The following MAF variants were observed in gnomAD, a reference collection of about 807,000 sequenced individuals.
The protein encoded by MAF is MAF bZIP transcription factor.
A neutral mutation model predicts 22.0 loss-of-function variants in MAF; 10 were observed. That is an observed-to-expected ratio of 0.45 (90% CI 0.28 to 0.77). The LOEUF is 0.77. Among genes scored for constraint, MAF ranks in the 30% least tolerant of loss-of-function variants. The pLI is 0.12. For missense variants in MAF, 544 were observed against 548.4 expected, an observed-to-expected ratio of 0.99 and a Z score of 0.08; for synonymous variants, 337 against 255.8, an observed-to-expected ratio of 1.32 and a Z score of -3.03.
chr16:79,561,801 C>T, the MAF span, among the ~76,000 whole-genome samples: 21 of 152,152 alleles, frequency 1.4e-4, no homozygotes, highest in African/African-American at 4.8e-4. Flanking sequence ...AGAGAGGAGA[C>T]GGTGTGTTTG....
chr16:79,502,702 AATATAAAT>A, the MAF span, among the ~76,000 whole-genome samples: 382 of 86,440 alleles, frequency 4.4e-3, 24 homozygotes, highest in Non-Finnish European at 4.3e-3. Flanking sequence ...TATAAATATA[AATATAAAT>A]ATATATATAT....
At chr16:79,346,605 G>C in the MAF span, among the ~76,000 whole-genome samples, 3 of 152,118 alleles carry the variant, frequency 2.0e-5, no homozygotes, top group Non-Finnish European at 2.9e-5. Flanking sequence ...AGGTGATGAT[G>C]GATGGTTTTC....
At chr16:79,580,416 G>A in the MAF span, among the ~76,000 whole-genome samples, 1 of 152,166 alleles carries the variant, frequency 6.6e-6, no homozygotes, top group Admixed American at 6.5e-5. Context: ...ACACATCAAT[G>A]AACAACTTTA....
the MAF span, among the ~76,000 whole-genome samples, chr16:79,483,956 A>G: frequency 4.4e-3 from 676 of 152,264 alleles, no homozygotes; most frequent in Admixed American, 0.011. Context: ...AGAGTGGCCA[A>G]CTTGACAAAT....
the MAF span, among the ~76,000 whole-genome samples, chr16:79,414,881 G>C: frequency 6.6e-6 from 1 of 152,150 alleles, no homozygotes; most frequent in Non-Finnish European, 1.5e-5. Flanking sequence ...TTCATGTGTT[G>C]TCTTAGCATT....
chr16:79,560,732 G>A, the MAF span, among the ~76,000 whole-genome samples: 57 of 152,082 alleles, frequency 3.7e-4, no homozygotes, highest in Non-Finnish European at 6.2e-4. Context: ...CTGGAAATTG[G>A]CTACTCATCC....
the MAF span, among the ~76,000 whole-genome samples, chr16:79,441,896 A>T: frequency 1.1e-4 from 16 of 152,214 alleles, no homozygotes; most frequent in Admixed American, 1.0e-3. Context: ...CTTAAATCCG[A>T]TGACGAGGAT....
At chr16:79,484,721 GC>G in the MAF span, among the ~76,000 whole-genome samples, 1 of 152,358 alleles carries the variant, frequency 6.6e-6, no homozygotes, top group South Asian at 2.1e-4. Context: ...ACACTGGCCT[GC>G]TGGTGATGAT....
At chr16:79,236,952 A>AAAAAAAAACTCAAATCC in the MAF span, among the ~76,000 whole-genome samples, 2 of 151,300 alleles carry the variant, frequency 1.3e-5, no homozygotes, top group African/African-American at 4.9e-5. Flanking sequence ...CGGAAAAAAA[A>AAAAAAAAACTCAAATCC]AAAAAAACTC....
the MAF span, among the ~76,000 whole-genome samples, chr16:79,352,439 G>C: frequency 6.6e-6 from 1 of 152,144 alleles, no homozygotes; most frequent in Non-Finnish European, 1.5e-5. Context: ...TTTATGAGCT[G>C]TGGGAATTTG....
chr16:79,352,191 C>T, the MAF span, among the ~76,000 whole-genome samples: 1 of 152,186 alleles, frequency 6.6e-6, no homozygotes, highest in South Asian at 2.1e-4. Flanking sequence ...AGAATTAAAT[C>T]ATCCTTTCAG....
At chr16:79,530,410 A>C in the MAF span, among the ~76,000 whole-genome samples, 59 of 152,308 alleles carry the variant, frequency 3.9e-4, no homozygotes, top group African/African-American at 1.3e-3. Flanking sequence ...AAGGAAAGAG[A>C]TGTAAATATT....
At chr16:79,320,099 G>T in the MAF span, among the ~76,000 whole-genome samples, 1 of 152,176 alleles carries the variant, frequency 6.6e-6, no homozygotes, top group Non-Finnish European at 1.5e-5. Flanking sequence ...TACAGGAAGG[G>T]TGGTACAAAG....
the MAF span, among the ~76,000 whole-genome samples, chr16:79,445,060 G>C: frequency 1.3e-5 from 2 of 152,062 alleles, no homozygotes; most frequent in Non-Finnish European, 2.9e-5. Context: ...TTGAGACGGA[G>C]TCTCACTCTG....
chr16:79,325,861 A>G, the MAF span, among the ~76,000 whole-genome samples: 1 of 152,186 alleles, frequency 6.6e-6, no homozygotes, highest in African/African-American at 2.4e-5. Flanking sequence ...AATGATACAG[A>G]CGGCCCCAGT....
the MAF span, among the ~76,000 whole-genome samples, chr16:79,482,396 C>T: frequency 6.6e-6 from 1 of 152,178 alleles, no homozygotes; most frequent in Non-Finnish European, 1.5e-5. Context: ...GAAATCTCTG[C>T]AAGGGTGGAG....
the MAF span, among the ~76,000 whole-genome samples, chr16:79,541,759 G>C: frequency 6.7e-6 from 1 of 150,054 alleles, no homozygotes; most frequent in African/African-American, 2.5e-5. Context: ...GGGTTCAAGA[G>C]ATTCTCCTGC....
chr16:79,566,933 C>A, the MAF span, among the ~76,000 whole-genome samples: 438 of 152,134 alleles, frequency 2.9e-3, 1 homozygote, highest in Non-Finnish European at 5.0e-3. Flanking sequence ...ATCTTGAATA[C>A]CTCTTAGGGC....
chr16:79,490,285 G>C, the MAF span, among the ~76,000 whole-genome samples: 1 of 152,142 alleles, frequency 6.6e-6, no homozygotes, highest in Admixed American at 6.5e-5. Context: ...TGATAGAATA[G>C]CCAGCCTTTC....
Sources: gnomAD v4.1 joint callset for allele counts (sites outside exome capture counted in the v4.1 genomes callset) on GRCh38, gnomAD v4.1.1 for gene constraint, MANE v1.5 for transcripts, NCBI Gene and HGNC (gene_info 2026-07-23, HGNC 2026-07-21) for gene names.